RNMT: variants seen among roughly 807,000 people sequenced by gnomAD.
RNMT encodes mRNA cap guanine-N(7) methyltransferase.
A neutral mutation model predicts 56.0 loss-of-function variants in RNMT; 27 were observed. The observed-to-expected ratio is 0.48, with a 90% CI of 0.36 to 0.67. The LOEUF (loss-of-function observed/expected upper bound fraction) is 0.67. RNMT is among the 30% of genes least tolerant of loss of function. The pLI is 0.00. For synonymous variants in RNMT, 184 were observed against 176.2 expected, an observed-to-expected ratio of 1.04 and a Z score of -0.35; for missense variants, 519 against 552.1, an observed-to-expected ratio of 0.94 and a Z score of 0.60.
chr18:13,742,750 G>T (rs1473771857), intron 8 of RNMT, 98 bp downstream of exon 8: 2 of 890,958 alleles, frequency 2.2e-6, no homozygotes, highest in African/African-American at 3.5e-5. Context: ...TTTAAATGAG[G>T]GCTAAAGAAA....
At chr18:13,730,497 AC>A (rs2044048831) in intron 1 of RNMT, 129 bp from the exon 2 acceptor site, 1 of 152,232 alleles carries the variant, frequency 6.6e-6, no homozygotes, top group Non-Finnish European at 1.5e-5. Flanking sequence ...TAAGTAGTTT[AC>A]CCCAAAGAAT....
intron 8 of RNMT, among the ~76,000 whole-genome samples, chr18:13,745,524 T>C (rs984898590): frequency 2.6e-5 from 4 of 152,150 alleles, no homozygotes; most frequent in African/African-American, 9.7e-5. Flanking sequence ...CTAGGTGGAT[T>C]TACTGAAATG....
At position 13,752,367 on chromosome 18, in the gene RNMT, G is replaced by A; in HGVS notation, c.1299G>A (p.Lys433=). The change falls in exon 10 of 12, where the codon AAG becomes AAA. Residue 433 remains lysine, a synonymous_variant. Coordinates refer to ENST00000383314, the MANE Select transcript of RNMT (RefSeq NM_003799.3). ...AGAGTTCTAAACTTGTCTCTGAGAA[G>A]GTGGATGACTATGAACATGCAGCAA... ...ANESSKLVSE[K]VDDYEHAAKY... 6.2e-7 allele frequency: 1 copy of A among 1,613,348 alleles called. No homozygotes were observed. Among genetic ancestry groups the A allele is most frequent in the Non-Finnish European group, 8.5e-7 (1 of 1,179,484 alleles).
chr18:13,759,652 A>C (rs1311090123), intron 11 of RNMT, among the ~76,000 whole-genome samples: 1 of 151,710 alleles, frequency 6.6e-6, no homozygotes, highest in Admixed American at 6.6e-5. Context: ...TTATACTTTT[A>C]TTTTTCTTAC....
chr18:13,731,855 CA>C lies in RNMT; in HGVS notation c.342del (p.Asp115IlefsTer15). On this transcript the variant is annotated frameshift_variant, in exon 3 of 12. Coordinates refer to ENST00000383314, the MANE Select transcript of RNMT (RefSeq NM_003799.3). LOFTEE classifies it high-confidence loss of function. ...KKRKRETEDV[P>X]KDKSSTGDGT... ...AGAAAAAGAGAAACTGAGGATGTTC[CA>C]AAAGATAAATCTTCTACTGGAGATG... is the stretch of plus-strand genomic sequence containing the variant. The C allele has an allele frequency of 6.2e-7, 1 of 1,612,648 alleles. No individual in the cohort carries two copies. The highest frequency in any genetic ancestry group is 1.1e-5 in the South Asian group (1 of 90,668).
intron 7 of RNMT, 151 bp from the exon 8 acceptor site, chr18:13,742,337 T>TAAAA: frequency 1.0e-5 from 5 of 501,060 alleles, no homozygotes; most frequent in East Asian, 4.3e-5. Context: ...CTTGTCACTT[T>TAAAA]AAAAAAAAAA....
At position 13,760,789 on chromosome 18, in the gene RNMT, A is replaced by AC. The variant is rs1473919269; in HGVS notation, c.*810_*811insC. 3 of 985,354 alleles carry AC rather than the reference A, an allele frequency of 3.0e-6. No homozygotes were observed. The African/African-American group carries it at 5.2e-5, about 17-fold the overall frequency. The allele number at this position is 985,354 out of a possible 1,614,324, so 61.0% of individuals were successfully genotyped here. A position where few individuals can be genotyped will look rare whatever the true frequency, so the allele number is the denominator to read the frequency against. On this transcript the variant is annotated 3_prime_UTR_variant, in exon 12 of 12. Transcript: ENST00000383314. ...CATGTTGCACATTTTTTCCAAATTT[A>AC]TACATGGAACTGCAGTAGGAATATT...
chr18:13,757,881 T>G (rs2149109015), intron 11 of RNMT, among the ~76,000 whole-genome samples: 1 of 152,322 alleles, frequency 6.6e-6, no homozygotes, highest in Middle Eastern at 3.4e-3. Context: ...TCTTAAATAA[T>G]AAGACTTAAA....
chr18:13,728,905 G>C (rs1006586338), intron 1 of RNMT, among the ~76,000 whole-genome samples: 2 of 152,082 alleles, frequency 1.3e-5, no homozygotes, highest in Non-Finnish European at 2.9e-5. Context: ...TGGTTTTGCA[G>C]ATATTTTCTC....
In RNMT at chr18:13,762,409, G is replaced by A. The variant is rs1037333517; in HGVS notation, c.*2430G>A. On this transcript the variant is annotated 3_prime_UTR_variant, in exon 12 of 12. Transcript: ENST00000383314. ...TGGAAAGTATTGCAATTCTGTGAGA[G>A]TGACTCTGCAGAGTCACTGCACCAT... is the stretch of plus-strand genomic sequence containing the variant. The A allele has an allele frequency of 5.2e-5, 23 of 444,430 alleles. No homozygotes were observed. The highest frequency in any genetic ancestry group is 8.2e-5 in the African/African-American group (4 of 48,928). The allele number at this position is 444,430 out of a possible 1,614,324, so 27.5% of individuals were successfully genotyped here.
intron 8 of RNMT, among the ~76,000 whole-genome samples, chr18:13,743,340 ATAAATAAAT>A (rs2044288929): frequency 1.8e-4 from 11 of 62,668 alleles, no homozygotes; most frequent in South Asian, 5.4e-4. Flanking sequence ...AAATAAATAA[ATAAATAAAT>A]AAATAAATAA....
intron 8 of RNMT, chr18:13,743,074 C>T (rs2044279288): frequency 6.5e-6 from 1 of 154,056 alleles, no homozygotes; most frequent in African/African-American, 2.4e-5. Flanking sequence ...CCTGTAATCC[C>T]AGCACTTTGG....
chr18:13,742,170 C>G (rs2044261546), intron 7 of RNMT, among the ~76,000 whole-genome samples: 1 of 152,130 alleles, frequency 6.6e-6, no homozygotes, highest in Non-Finnish European at 1.5e-5. Context: ...GAGACCTTGT[C>G]TTTACAAAAA....
chr18:13,738,984 G>A (rs900350841), intron 5 of RNMT, among the ~76,000 whole-genome samples: 1 of 152,160 alleles, frequency 6.6e-6, no homozygotes, highest in Non-Finnish European at 1.5e-5. Context: ...CTCCTGCTGT[G>A]CAGCCTGGTT....
At chr18:13,753,816 T>TACACACACACACACACACAC (rs3138630) in intron 10 of RNMT, among the ~76,000 whole-genome samples, 84 of 144,496 alleles carry the variant, frequency 5.8e-4, no homozygotes, top group South Asian at 1.3e-3. Flanking sequence ...ATTTTCCAGT[T>TACACACACACACACACACAC]ACACACACAC....
At chr18:13,744,156 C>CTTTTTTTTTTTTTTTTTTTTTTTTTTT (rs1555794897) in intron 8 of RNMT, among the ~76,000 whole-genome samples, 3 of 25,948 alleles carry the variant, frequency 1.2e-4, no homozygotes, top group African/African-American at 4.5e-4. Flanking sequence ...ACCTAGCGGT[C>CTTTTTTTTTTTTTTTTTTTTTTTTTTT]TTCTTTTTTT....
chr18:13,754,904 G>A (rs992370501), intron 11 of RNMT, among the ~76,000 whole-genome samples: 1 of 152,206 alleles, frequency 6.6e-6, no homozygotes, highest in Non-Finnish European at 1.5e-5. Context: ...GACAAATGTG[G>A]TGCAAAGATA....
At chr18:13,756,234 T>A (rs1356802968) in intron 11 of RNMT, among the ~76,000 whole-genome samples, 5 of 152,368 alleles carry the variant, frequency 3.3e-5, no homozygotes, top group East Asian at 1.9e-4. Context: ...TTGATTTTTT[T>A]AAATCCCAAT....
chr18:13,746,263 T>C lies in RNMT; in HGVS notation c.1183T>C (p.Phe395Leu), dbSNP rs756116618. The C allele has an allele frequency of 6.7e-5, 105 of 1,573,786 alleles. No homozygotes were observed. Among genetic ancestry groups the C allele is most frequent in the Non-Finnish European group, 9.1e-5 (105 of 1,151,514 alleles). ...YNMKLVYKKT[F>L]LEFYEEKIKN... ...TATGAAACTAGTCTACAAAAAAACA[T>C]TTCTGGAATTCTACGAAGAAAAGAT... Residue 395 changes from phenylalanine to leucine, a missense_variant, in exon 9 of 12, where the codon TTT becomes CTT. Phe to Leu is a conservative substitution (Grantham distance 22). Transcript: ENST00000383314.
Sources: allele counts gnomAD v4.1 joint callset (sites outside exome capture counted in the v4.1 genomes callset), GRCh38; gene constraint gnomAD v4.1.1; transcripts MANE v1.5; gene names NCBI Gene and HGNC (gene_info 2026-07-23, HGNC 2026-07-21).